MMP26: variants seen among roughly 807,000 people sequenced by gnomAD.
MMP26 encodes matrix metalloproteinase-26.
MMP26 carries 33 observed loss-of-function variants against 31.0 expected under a neutral mutation model. The ratio of observed to expected loss-of-function variants is 1.06; its 90% CI spans 0.81 to 1.42. The LOEUF is 1.42. Among genes scored for constraint, MMP26 ranks in the 40% most tolerant of loss-of-function variants. The pLI, the probability that MMP26 is intolerant of heterozygous loss-of-function variation, is 0.00. For missense variants in MMP26, 347 were observed against 316.1 expected (o/e 1.10, Z -0.74); for synonymous variants, 122 against 114.9 (o/e 1.06, Z -0.40).
At chr11:4,705,910 C>T (rs1589879167) in intron 1 of MMP26, among the ~76,000 whole-genome samples, 1 of 147,480 alleles carries the variant, frequency 6.8e-6, no homozygotes, top group Non-Finnish European at 1.5e-5. Context: ...ATTGCTTGAA[C>T]CTGGGAGGAG....
At chr11:4,851,884 G>A (rs939057932) in intron 2 of MMP26, among the ~76,000 whole-genome samples, 8 of 151,740 alleles carry the variant, frequency 5.3e-5, no homozygotes, top group African/African-American at 1.9e-4. Flanking sequence ...AAAAGCAGTG[G>A]AACAAAAAAA....
chr11:4,949,775 A>G lies in MMP26; in HGVS notation c.-144-38293A>G, dbSNP rs1028932352. 2.4e-5 allele frequency among the ~76,000 whole-genome samples: 3 copies of G among 123,234 alleles called. 1 individual carries two copies. The highest frequency in any genetic ancestry group is 5.5e-5 in the Non-Finnish European group (3 of 54,206). The allele number at this position is 123,234 out of a possible 152,430, so 80.8% of individuals were successfully genotyped here. A position where few individuals can be genotyped will look rare whatever the true frequency, so the allele number is the denominator to read the frequency against. On this transcript the variant is annotated intron_variant, in intron 2 of 7. Transcript: ENST00000380390. The stretch of plus-strand genomic sequence containing the variant: ...AAAGCAGAAATTTCATTCCTTAACA[A>G]GTTTTAAAAAATCCATAATTTAACA...
intron 2 of MMP26, among the ~76,000 whole-genome samples, chr11:4,852,259 G>T (rs979122998): frequency 6.6e-6 from 1 of 151,732 alleles, no homozygotes; most frequent in African/African-American, 2.4e-5. Flanking sequence ...AATAGTTGAA[G>T]ATTTTAATAT....
intron 2 of MMP26, among the ~76,000 whole-genome samples, chr11:4,801,643 A>G (rs189534128): frequency 6.6e-6 from 1 of 151,872 alleles, no homozygotes. Flanking sequence ...CCCCAGTTCA[A>G]GCGATTCTCC....
chr11:4,789,417 G>A (rs747179176), intron 2 of MMP26, among the ~76,000 whole-genome samples: 4 of 149,728 alleles, frequency 2.7e-5, no homozygotes, highest in African/African-American at 9.8e-5. Context: ...CTGGTAGCAG[G>A]TTCCTGACTA....
intron 2 of MMP26, among the ~76,000 whole-genome samples, chr11:4,797,973 T>G (rs1054945427): frequency 1.6e-4 from 24 of 152,212 alleles, no homozygotes; most frequent in African/African-American, 5.5e-4. Flanking sequence ...TGGTTTCTGT[T>G]TCCTCATCTA....
At chr11:4,981,989 T>A (rs1160156546) in intron 2 of MMP26, among the ~76,000 whole-genome samples, 2 of 151,900 alleles carry the variant, frequency 1.3e-5, no homozygotes, top group African/African-American at 2.4e-5. Flanking sequence ...ATAACAACAA[T>A]TCCTTCTTCT....
intron 2 of MMP26, chr11:4,769,038 C>T (rs1030726): frequency 8.5e-6 from 13 of 1,536,928 alleles, no homozygotes; most frequent in African/African-American, 5.5e-5. Flanking sequence ...TTTACACTGT[C>T]GATGATGGGG....
chr11:4,875,333 G>A (rs1564798290), intron 2 of MMP26: 1 of 152,066 alleles, frequency 6.6e-6, no homozygotes, highest in Non-Finnish European at 1.5e-5. Flanking sequence ...TGGCTCCTGG[G>A]TATCTGTTTT....
chr11:4,848,953 T>A (rs1262390141), intron 2 of MMP26: 4 of 1,614,040 alleles, frequency 2.5e-6, no homozygotes, highest in Non-Finnish European at 2.5e-6. Context: ...AGTGTGGGCA[T>A]CAGGGCAGTG....
chr11:4,955,588 T>C, intron 2 of MMP26: 2 of 1,421,180 alleles, frequency 1.4e-6, no homozygotes, highest in Non-Finnish European at 9.9e-7. Flanking sequence ...TGCCATTTCC[T>C]AGAATAGCAA....
intron 2 of MMP26, among the ~76,000 whole-genome samples, chr11:4,970,036 CT>C (rs1469637828): frequency 6.6e-6 from 1 of 152,038 alleles, no homozygotes; most frequent in East Asian, 1.9e-4. Flanking sequence ...AATATTGCAT[CT>C]ACATAACATG....
chr11:4,899,608 A>G (rs1373743125), intron 2 of MMP26, among the ~76,000 whole-genome samples: 1 of 152,090 alleles, frequency 6.6e-6, no homozygotes, highest in Non-Finnish European at 1.5e-5. Flanking sequence ...CCAAGAGACA[A>G]CCAGTCAGCT....
At chr11:4,732,742 T>A (rs1848190159) in intron 1 of MMP26, among the ~76,000 whole-genome samples, 1 of 152,222 alleles carries the variant, frequency 6.6e-6, no homozygotes, top group South Asian at 2.1e-4. Flanking sequence ...CTGGCTTTTT[T>A]CATTTGGTGC....
At chr11:4,836,827 T>C (rs80146794) in intron 2 of MMP26, among the ~76,000 whole-genome samples, 5 of 142,118 alleles carry the variant, frequency 3.5e-5, no homozygotes, top group African/African-American at 1.3e-4. Flanking sequence ...GCCCAGCTAA[T>C]TTTTTTTTTT....
chr11:4,876,422 G>T (rs1203344712), intron 2 of MMP26: 1 of 152,176 alleles, frequency 6.6e-6, no homozygotes, highest in Non-Finnish European at 1.5e-5. Flanking sequence ...AACTGAGCAT[G>T]AATGTGCAAG....
chr11:4,781,795 G>C (rs1848868042), intron 2 of MMP26, among the ~76,000 whole-genome samples: 1 of 152,032 alleles, frequency 6.6e-6, no homozygotes, highest in African/African-American at 2.4e-5. Flanking sequence ...TTGAATTATG[G>C]GGGCAGGTCT....
At chr11:4,961,041 C>T (rs1370849066) in intron 2 of MMP26, among the ~76,000 whole-genome samples, 2 of 152,094 alleles carry the variant, frequency 1.3e-5, no homozygotes, top group Non-Finnish European at 2.9e-5. Flanking sequence ...TTTTGAGCAA[C>T]CTAAGCCTTT....
chr11:4,904,764 AG>A (rs202002733), intron 2 of MMP26, among the ~76,000 whole-genome samples: 4,628 of 152,278 alleles, frequency 0.03, 115 homozygotes, highest in Non-Finnish European at 0.046. Context: ...AGAGAAAAAA[AG>A]GGAGAAAGTG....
Sources: gnomAD v4.1 joint callset for allele counts (sites outside exome capture counted in the v4.1 genomes callset) on GRCh38, gnomAD v4.1.1 for gene constraint, MANE v1.5 for transcripts, NCBI Gene and HGNC (gene_info 2026-07-23, HGNC 2026-07-21) for gene names.